ZNF827: variants seen among roughly 807,000 people sequenced by gnomAD.
ZNF827 encodes zinc finger protein 827.
A neutral mutation model predicts 102.4 loss-of-function variants in ZNF827; 13 were observed. That is an observed-to-expected ratio of 0.13 (90% CI 0.08 to 0.20). ZNF827 has a LOEUF of 0.20. Among genes scored for constraint, ZNF827 ranks in the 10% least tolerant of loss-of-function variants. The probability of loss-of-function intolerance (pLI) is 1.00; values close to 1 mark genes in which losing one functional copy is unlikely to be tolerated. For synonymous variants in ZNF827, 523 were observed against 536.2 expected (o/e 0.98, Z 0.34); for missense variants, 1,103 against 1,344.4 (o/e 0.82, Z 2.81).
Position 145,903,019 on chromosome 4 carries a change from C to A in ZNF827, c.240G>T (p.Thr80=), listed in dbSNP as rs140060948. Residue 80 remains threonine, a synonymous_variant, in exon 2 of 15, where the codon ACG becomes ACT. Coordinates refer to ENST00000508784, the MANE Select transcript of ZNF827 (RefSeq NM_001306215.2). ...CACTGTCCAGTGCCACCAGCTCCAA[C>A]GTGTGGCTGCTGGGAGTCGTGCTTC... is the stretch of plus-strand genomic sequence containing the variant. ...SLGSTTPSSH[T]LELVALDSEV... 1 of 1,614,164 alleles carries A rather than the reference C, an allele frequency of 6.2e-7. No individual in the cohort carries two copies. The highest frequency in any genetic ancestry group is 2.2e-5 in the East Asian group (1 of 44,884).
chr4:145,774,409 TG>T, intron 11 of ZNF827, 96 bp downstream of exon 11: 1 of 1,344,326 alleles, frequency 7.4e-7, no homozygotes. Context: ...AAAAGGGCAA[TG>T]TCTCAGGGCA....
rs1754390662 is a variant in ZNF827 at position 145,938,374 on chromosome 4, G to A, written c.34C>T (p.Leu12Phe). ...AGAAGGGATGACTTACGTGAGGGAA[G>A]GCGCTTGGGCTGCTCCTGCTTCCTC... is the stretch of plus-strand genomic sequence containing the variant. ...PRRKQEQPKRLPSHVSRQEEA... is the reference protein window; with the variant it reads ...PRRKQEQPKRFPSHVSRQEEA... The change falls in exon 1 of 15, where the codon CTT (leucine) becomes TTT (phenylalanine). Residue 12 changes from leucine (L) to phenylalanine (F), a missense_variant. Leu to Phe is a conservative substitution (Grantham distance 22, BLOSUM62 0). Transcript: ENST00000508784. 3.1e-6 allele frequency: 5 copies of A among 1,613,484 alleles called. No individual in the cohort carries two copies. The highest frequency in any genetic ancestry group is 4.2e-6 in the Non-Finnish European group (5 of 1,179,958).
At chr4:145,889,623 G>C (rs1025829043) in intron 3 of ZNF827, among the ~76,000 whole-genome samples, 5 of 147,738 alleles carry the variant, frequency 3.4e-5, no homozygotes, top group Admixed American at 6.9e-5. Flanking sequence ...GTGCGATCTC[G>C]GCTCACTGCA....
chr4:145,806,398 C>G (rs1192907647), intron 8 of ZNF827, among the ~76,000 whole-genome samples: 2 of 152,076 alleles, frequency 1.3e-5, no homozygotes, highest in African/African-American at 4.8e-5. Flanking sequence ...TCAAGCAATA[C>G]TCCTGCCTTG....
chr4:145,935,253 A>G (rs940463492), intron 1 of ZNF827, among the ~76,000 whole-genome samples: 6 of 152,244 alleles, frequency 3.9e-5, no homozygotes, highest in African/African-American at 1.4e-4. Flanking sequence ...ACAAACAAAC[A>G]AAGTGTCTAG....
intron 5 of ZNF827, among the ~76,000 whole-genome samples, chr4:145,853,241 G>C (rs918602232): frequency 6.6e-6 from 1 of 152,038 alleles, no homozygotes; most frequent in Non-Finnish European, 1.5e-5. Context: ...TTTTGCCTGG[G>C]GTGTTCTAAC....
chr4:145,921,684 G>A (rs975655094), intron 1 of ZNF827, among the ~76,000 whole-genome samples: 9 of 152,114 alleles, frequency 5.9e-5, no homozygotes, highest in Non-Finnish European at 1.0e-4. Context: ...TCAGGTTTCT[G>A]TCTCAGATGA....
chr4:145,902,455 A>T lies in ZNF827; in HGVS notation c.804T>A (p.Gly268=), dbSNP rs1280424745. ...KKVSERSLTP[G]QEHPPPASSF... is the part of the protein sequence containing the mutation. ...AGCTGGCCGGTGGAGGGTGCTCCTG[A>T]CCAGGAGTCAAACTTCTTTCACTGA... is the stretch of plus-strand genomic sequence containing the variant. Residue 268 remains glycine, a synonymous_variant, in exon 2 of 15, where the codon GGT becomes GGA. Coordinates refer to ENST00000508784, the MANE Select transcript of ZNF827 (RefSeq NM_001306215.2). This position sits in a 1 kb window ranked among gnomAD's most constrained non-coding sequence, Gnocchi z 4.3. 2.5e-6 allele frequency: 4 copies of T among 1,614,028 alleles called. No individual in the cohort carries two copies. The East Asian group carries it at 6.7e-5, about 27-fold the overall frequency.
chr4:145,851,698 C>T (rs911799466), intron 5 of ZNF827, among the ~76,000 whole-genome samples: 1 of 152,092 alleles, frequency 6.6e-6, no homozygotes. Flanking sequence ...AGATCCCTCC[C>T]CCCTTTCCCT....
chr4:145,789,678 C>T (rs1274638816), intron 8 of ZNF827, among the ~76,000 whole-genome samples: 1 of 152,170 alleles, frequency 6.6e-6, no homozygotes, highest in African/African-American at 2.4e-5. Context: ...ATACTCTCAA[C>T]CATTTATTAC....
Position 145,900,392 on chromosome 4 carries a change from C to T in ZNF827, c.1093+1774G>A, listed in dbSNP as rs1158109561. Among the ~76,000 whole-genome samples, 3 of 152,010 alleles carry T rather than the reference C, an allele frequency of 2.0e-5. No individual in the cohort carries two copies. In the East Asian group the frequency reaches 5.8e-4, roughly 29 times the overall value. ...TCAATAACTAGATATGCAGAATATA[C>T]ATATATATAATTATTATTTTCTTTT... On this transcript the variant is annotated intron_variant, in intron 2 of 14. Transcript: ENST00000508784.
intron 2 of ZNF827, among the ~76,000 whole-genome samples, chr4:145,893,686 G>A (rs1411643970): frequency 6.6e-6 from 1 of 152,056 alleles, no homozygotes; most frequent in Non-Finnish European, 1.5e-5. Context: ...ACTAAAAATG[G>A]GGCAGATACC....
Position 145,760,738 on chromosome 4 carries a change from GTC to G in ZNF827, c.*876_*877del. On this transcript the variant is annotated 3_prime_UTR_variant, in exon 15 of 15. Transcript: ENST00000508784. ...TTTTGTGGTTTTTTTTTTTTTTTTT[GTC>G]TTTTGTCTCTCTGTTTTTGGTACAG... 7 of 406,320 alleles carry G rather than the reference GTC, an allele frequency of 1.7e-5. No individual in the cohort carries two copies. Among genetic ancestry groups the G allele is most frequent in the Admixed American group, 1.2e-4 (1 of 8,028 alleles). The allele number at this position is 406,320 out of a possible 1,614,324, so 25.2% of individuals were successfully genotyped here. A position where few individuals can be genotyped will look rare whatever the true frequency, so the allele number is the denominator to read the frequency against.
At chr4:145,778,421 A>G (rs749231392) in intron 9 of ZNF827, among the ~76,000 whole-genome samples, 1 of 152,232 alleles carries the variant, frequency 6.6e-6, no homozygotes, top group African/African-American at 2.4e-5. Context: ...GGCGTGAGCC[A>G]TCGCGCCCGA....
chr4:145,849,580 A>C lies in ZNF827; in HGVS notation c.1982-19T>G. On this transcript the variant is annotated intron_variant, in intron 5 of 14. Coordinates refer to ENST00000508784, the MANE Select transcript of ZNF827 (RefSeq NM_001306215.2). ...CTTTCCGCTGCAAGTAGGTGAATGA[A>C]GAGAAACAAAAACACCACCATTTCT... 6.2e-7 allele frequency: 1 copy of C among 1,612,028 alleles called. No individual in the cohort carries two copies. The highest frequency in any genetic ancestry group is 8.5e-7 in the Non-Finnish European group (1 of 1,178,472).
At chr4:145,827,476 G>A (rs1396574960) in intron 7 of ZNF827, among the ~76,000 whole-genome samples, 1 of 152,146 alleles carries the variant, frequency 6.6e-6, no homozygotes, top group Non-Finnish European at 1.5e-5. Flanking sequence ...TACCACTCAT[G>A]GGCCTGGTCA....
intron 3 of ZNF827, among the ~76,000 whole-genome samples, chr4:145,887,628 G>C (rs1349675567): frequency 6.6e-6 from 1 of 152,164 alleles, no homozygotes; most frequent in Non-Finnish European, 1.5e-5. Flanking sequence ...AGTGCTGGGG[G>C]TGGGGAAACA....
At chr4:145,806,147 CTTTT>C (rs11364915) in intron 8 of ZNF827, among the ~76,000 whole-genome samples, 7 of 77,326 alleles carry the variant, frequency 9.1e-5, no homozygotes, top group Non-Finnish European at 1.2e-4. Flanking sequence ...AATAAATGAA[CTTTT>C]TTTTTTTTTT....
chr4:145,766,820 G>T (rs142539176), intron 11 of ZNF827, among the ~76,000 whole-genome samples: 33 of 152,186 alleles, frequency 2.2e-4, no homozygotes, highest in African/African-American at 2.2e-4. Context: ...CAATTTACAG[G>T]GCATTAGGTA....
Sources: gnomAD v4.1 joint callset for allele counts (sites outside exome capture counted in the v4.1 genomes callset) on GRCh38, gnomAD v4.1.1 for gene constraint, Gnocchi (gnomAD v3.1) non-coding constraint, MANE v1.5 for transcripts, NCBI Gene and HGNC (gene_info 2026-07-23, HGNC 2026-07-21) for gene names.